The following FAM199X variants were observed in gnomAD, a reference collection of about 807,000 sequenced individuals.
FAM199X encodes family with sequence similarity 199, X-linked, also known as protein FAM199X.
FAM199X carries 4 observed loss-of-function variants against 22.9 expected under a neutral mutation model. That is an observed-to-expected ratio of 0.17 (90% CI 0.09 to 0.40). The LOEUF (loss-of-function observed/expected upper bound fraction) is 0.40, where lower values mean the gene tolerates loss of function less well. Ranked by LOEUF, FAM199X falls within the 10% of genes least tolerant of loss-of-function variation. FAM199X has a pLI of 1.00. For synonymous variants in FAM199X, 101 were observed against 112.3 expected, an observed-to-expected ratio of 0.90 and a Z score of 0.64; for missense variants, 183 against 306.8, an observed-to-expected ratio of 0.60 and a Z score of 3.01.
At chrX:104,167,053 C>T in intron 1 of FAM199X, 71 bp downstream of exon 1, 8 of 976,082 alleles carry the variant, frequency 8.2e-6, no homozygotes, top group Admixed American at 3.9e-5. Context: ...ATCCTTCGTC[C>T]CGGGCTGCGC....
chrX:104,182,091 C>T (rs186921014), intron 2 of FAM199X, among the ~76,000 whole-genome samples: 4 of 105,870 alleles, frequency 3.8e-5, no homozygotes, highest in African/African-American at 7.0e-5. Flanking sequence ...TGGGTTCAAG[C>T]GATGCTCCTG....
intron 5 of FAM199X, among the ~76,000 whole-genome samples, chrX:104,188,584 A>G (rs1556379685): frequency 1.8e-5 from 2 of 112,119 alleles, no homozygotes; most frequent in Admixed American, 1.9e-4. Flanking sequence ...GTTATTCTCA[A>G]GATTGCAATA....
At position 104,186,498 on chromosome X, in the gene FAM199X, T is replaced by C; in HGVS notation, c.606T>C (p.Thr202=). ...YIEYLSRKVS[T]EMGLREQLDI... Reference sequence around the variant, plus strand: ...AGTATCTGAGTCGGAAAGTGAGTACTGAGATGGGTCTTCGGGAGCAACTTG... The same window carrying C: ...AGTATCTGAGTCGGAAAGTGAGTACCGAGATGGGTCTTCGGGAGCAACTTG... Residue 202 remains threonine (T), a synonymous_variant, in exon 4 of 6, where the codon ACT becomes ACC. Coordinates refer to ENST00000493442, the MANE Select transcript of FAM199X (RefSeq NM_207318.4). The C allele has an allele frequency of 8.3e-7, 1 of 1,211,155 alleles. No individual in the cohort carries two copies. The highest frequency in any genetic ancestry group is 1.1e-6 in the Non-Finnish European group (1 of 894,954).
chrX:104,177,719 T>TTG (rs1456694999), intron 2 of FAM199X, among the ~76,000 whole-genome samples: 1 of 112,185 alleles, frequency 8.9e-6, no homozygotes, highest in Admixed American at 9.5e-5. Context: ...TATTGGCCAT[T>TTG]TGTGTGTCCT....
At chrX:104,174,294 G>T (rs1921435436) in intron 1 of FAM199X, among the ~76,000 whole-genome samples, 1 of 110,831 alleles carries the variant, frequency 9.0e-6, no homozygotes, top group Non-Finnish European at 1.9e-5. Flanking sequence ...AATGAGAGAA[G>T]TGAGTCCCTG....
chrX:104,163,566 GA>G (rs1248144624), upstream of FAM199X, among the ~76,000 whole-genome samples: 3 of 111,415 alleles, frequency 2.7e-5, no homozygotes, highest in African/African-American at 9.8e-5. Context: ...ACTTGGTTAA[GA>G]TGTATTAATA....
chrX:104,169,596 C>T (rs1921301381), intron 1 of FAM199X, among the ~76,000 whole-genome samples: 1 of 111,418 alleles, frequency 9.0e-6, no homozygotes, highest in Non-Finnish European at 1.9e-5. Flanking sequence ...AAGACAGAGT[C>T]CTGCTCTGTC....
intron 2 of FAM199X, among the ~76,000 whole-genome samples, chrX:104,183,897 C>T (rs920170795): frequency 9.0e-6 from 1 of 111,720 alleles, no homozygotes; most frequent in Non-Finnish European, 1.9e-5. Flanking sequence ...GAAAGAATGG[C>T]CTCTCTCTTA....
rs1448038589 is a variant in FAM199X, at chrX:104,193,367, A to C, written c.*3589A>C. 2.5e-4 allele frequency: 28 copies of C among 111,867 alleles called. No individual in the cohort carries two copies. The highest frequency in any genetic ancestry group is 9.1e-4 in the African/African-American group (28 of 30,876). 9.2% of individuals were successfully genotyped at this position (111,867 alleles called of 1,213,427 possible). A position where few individuals can be genotyped will look rare whatever the true frequency, so the allele number is the denominator to read the frequency against. On this transcript the variant is annotated 3_prime_UTR_variant, in exon 6 of 6. Coordinates refer to ENST00000493442, the MANE Select transcript of FAM199X (RefSeq NM_207318.4). ...TTCCCTCTGAAAAAGATCATATGCC[A>C]GGATACTTCTTCAAACCAGATCACT...
At chrX:104,180,539 C>A (rs1241496047) in intron 2 of FAM199X, among the ~76,000 whole-genome samples, 1 of 110,964 alleles carries the variant, frequency 9.0e-6, no homozygotes, top group Non-Finnish European at 1.9e-5. Context: ...CCCAGCCATT[C>A]ACCGTTAATG....
chrX:104,173,085 C>A (rs926736070), intron 1 of FAM199X, among the ~76,000 whole-genome samples: 6 of 111,365 alleles, frequency 5.4e-5, no homozygotes, highest in African/African-American at 2.0e-4. Context: ...CCTCCTGCTT[C>A]AGCCTCCCGA....
chrX:104,162,597 T>A (rs1042810625), upstream of FAM199X, among the ~76,000 whole-genome samples: 2 of 112,087 alleles, frequency 1.8e-5, no homozygotes, highest in East Asian at 5.6e-4. Context: ...ACTAATCTTC[T>A]TTCTCCCAAG....
At position 104,191,436 on chromosome X, in the gene FAM199X, A is replaced by G. The variant is rs1311929465; in HGVS notation, c.*1658A>G. On this transcript the variant is annotated 3_prime_UTR_variant, in exon 6 of 6. Coordinates refer to ENST00000493442, the MANE Select transcript of FAM199X (RefSeq NM_207318.4). ...TTACTAAAATAAAACATATGTGTCT[A>G]TGGTTTTCAATTGGAGTAGTCTTTC... is the stretch of plus-strand genomic sequence containing the variant. 1 of 111,727 alleles carries G rather than the reference A, an allele frequency of 9.0e-6. No homozygotes were observed. Among genetic ancestry groups the G allele is most frequent in the Admixed American group, 9.5e-5 (1 of 10,501 alleles). The allele number at this position is 111,727 out of a possible 1,213,427, so 9.2% of individuals were successfully genotyped here.
At chrX:104,186,313 C>T in intron 3 of FAM199X, 98 bp downstream of exon 3, 4 of 1,087,925 alleles carry the variant, frequency 3.7e-6, no homozygotes, top group Non-Finnish European at 4.9e-6. Context: ...ATGTGGATTG[C>T]TTAGTAAATC....
chrX:104,166,520 G>T lies in FAM199X; in HGVS notation c.-266G>T, dbSNP rs1277278491. ...GGCCGGGCGGCGGCGCTGCGCTGAC[G>T]GGCTGAGTCTGGCGGCGGCGGAAGC... is the stretch of plus-strand genomic sequence containing the variant. On this transcript the variant is annotated 5_prime_UTR_variant, in exon 1 of 6. Coordinates refer to ENST00000493442, the MANE Select transcript of FAM199X (RefSeq NM_207318.4). 8 of 215,718 alleles carry T rather than the reference G, an allele frequency of 3.7e-5. No individual in the cohort carries two copies. The highest frequency in any genetic ancestry group is 1.5e-4 in the Admixed American group (2 of 13,636). 17.8% of individuals were successfully genotyped at this position (215,718 alleles called of 1,213,427 possible).
At chrX:104,177,552 A>G (rs1921522541) in intron 2 of FAM199X, among the ~76,000 whole-genome samples, 1 of 112,254 alleles carries the variant, frequency 8.9e-6, no homozygotes, top group Admixed American at 9.5e-5. Flanking sequence ...CATGTTTTCC[A>G]GAGTGACTGC....
intron 2 of FAM199X, among the ~76,000 whole-genome samples, chrX:104,178,248 C>T (rs1921544016): frequency 9.0e-6 from 1 of 110,607 alleles, no homozygotes; most frequent in South Asian, 3.8e-4. Context: ...CTCACTGCAC[C>T]CTCTGCCTCC....
At chrX:104,182,283 G>A (rs782758207) in intron 2 of FAM199X, among the ~76,000 whole-genome samples, 34 of 110,522 alleles carry the variant, frequency 3.1e-4, no homozygotes, top group African/African-American at 9.2e-4. Context: ...CACTGCGCTC[G>A]GCTTTGTAAA....
At chrX:104,158,908 C>G in the FAM199X span, among the ~76,000 whole-genome samples, 1 of 112,037 alleles carries the variant, frequency 8.9e-6, no homozygotes, top group Non-Finnish European at 1.9e-5. Context: ...TCACTCCACA[C>G]CTAGGAAACC....
Sources: allele counts gnomAD v4.1 joint callset (sites outside exome capture counted in the v4.1 genomes callset), GRCh38; gene constraint gnomAD v4.1.1; transcripts MANE v1.5; gene names NCBI Gene and HGNC (gene_info 2026-07-23, HGNC 2026-07-21).